FNDC3B: variants seen among roughly 807,000 people sequenced by gnomAD.
FNDC3B encodes fibronectin type III domain containing 3B, also known as fibronectin type III domain-containing protein 3B.
In FNDC3B, 12 loss-of-function variants were observed where a neutral mutation model predicts 151.5. The observed-to-expected ratio is 0.08, with a 90% confidence interval of 0.05 to 0.13. The LOEUF (loss-of-function observed/expected upper bound fraction) is 0.13, where lower values mean the gene tolerates loss of function less well. FNDC3B is among the 10% of genes least tolerant of loss of function. The pLI, the probability that FNDC3B is intolerant of heterozygous loss-of-function variation, is 1.00. For synonymous variants in FNDC3B, 528 were observed against 549.0 expected, an observed-to-expected ratio of 0.96 and a Z score of 0.54; for missense variants, 1,214 against 1,505.3, an observed-to-expected ratio of 0.81 and a Z score of 3.20.
At chr3:172,306,143 G>A (rs546958858) in intron 9 of FNDC3B, among the ~76,000 whole-genome samples, 2 of 152,290 alleles carry the variant, frequency 1.3e-5, no homozygotes, top group South Asian at 4.1e-4. Context: ...AAATGACTTT[G>A]CAAATCACAC....
At chr3:172,190,070 C>G (rs1376738140) in intron 3 of FNDC3B, among the ~76,000 whole-genome samples, 1 of 152,130 alleles carries the variant, frequency 6.6e-6, no homozygotes, top group East Asian at 1.9e-4. Flanking sequence ...CCCAGGCGGC[C>G]TGCTTTCAGA....
intron 9 of FNDC3B, 105 bp from the exon 10 acceptor site, chr3:172,307,258 A>G: frequency 8.4e-7 from 1 of 1,185,964 alleles, no homozygotes; most frequent in Non-Finnish European, 1.2e-6. Flanking sequence ...CTCACTCCGT[A>G]AGAAATTCTG....
intron 3 of FNDC3B, among the ~76,000 whole-genome samples, chr3:172,155,472 A>G (rs1240136190): frequency 6.6e-6 from 1 of 152,236 alleles, no homozygotes; most frequent in African/African-American, 2.4e-5. Flanking sequence ...CAGGTCTGTC[A>G]TACTGACCTC....
Position 172,129,538 on chromosome 3 carries a change from G to T in FNDC3B, c.112-3933G>T, listed in dbSNP as rs933584060. 5.9e-5 allele frequency among the ~76,000 whole-genome samples: 9 copies of T among 152,134 alleles called. No individual in the cohort carries two copies. In the East Asian group the frequency reaches 1.5e-3, roughly 26 times the overall value. The stretch of plus-strand genomic sequence containing the variant: ...TCTTTCAGTTCTCCTGTTAGACAAA[G>T]AATTCCCATGATGCTGTGTTTACTC... On this transcript the variant is annotated intron_variant, in intron 2 of 25. Transcript: ENST00000415807.
intron 3 of FNDC3B, among the ~76,000 whole-genome samples, chr3:172,190,069 C>T (rs1560009736): frequency 6.6e-6 from 1 of 152,174 alleles, no homozygotes; most frequent in Non-Finnish European, 1.5e-5. Context: ...ACCCAGGCGG[C>T]CTGCTTTCAG....
At chr3:172,126,756 G>T (rs1014233559) in intron 2 of FNDC3B, among the ~76,000 whole-genome samples, 6 of 152,118 alleles carry the variant, frequency 3.9e-5, no homozygotes, top group African/African-American at 1.4e-4. Context: ...AGCCGGAGAG[G>T]GTCCTTTCCT....
chr3:172,042,737 A>G (rs1195300505), intron 1 of FNDC3B, among the ~76,000 whole-genome samples: 1 of 152,180 alleles, frequency 6.6e-6, no homozygotes, highest in Non-Finnish European at 1.5e-5. Flanking sequence ...AGTGTTGGAA[A>G]TGGTTCTGTC....
At chr3:172,244,090 T>C (rs980825374) in intron 4 of FNDC3B, among the ~76,000 whole-genome samples, 1 of 152,226 alleles carries the variant, frequency 6.6e-6, no homozygotes, top group Non-Finnish European at 1.5e-5. Flanking sequence ...ATTTTTCTCT[T>C]TATATTCTTA....
At chr3:172,241,427 A>G (rs1462964356) in intron 4 of FNDC3B, among the ~76,000 whole-genome samples, 1 of 152,200 alleles carries the variant, frequency 6.6e-6, no homozygotes, top group Non-Finnish European at 1.5e-5. Flanking sequence ...CAAGCTGCTA[A>G]TAAAGACATT....
chr3:172,300,159 G>T (rs1460864308), intron 9 of FNDC3B, among the ~76,000 whole-genome samples: 1 of 152,176 alleles, frequency 6.6e-6, no homozygotes, highest in Non-Finnish European at 1.5e-5. Context: ...AAGAAGATCT[G>T]TGTAATTTGT....
intron 1 of FNDC3B, among the ~76,000 whole-genome samples, chr3:172,112,145 A>T (rs1188917641): frequency 1.3e-5 from 2 of 152,260 alleles, no homozygotes; most frequent in Non-Finnish European, 2.9e-5. Context: ...TAAATGGAAT[A>T]AACGGAATAG....
intron 22 of FNDC3B, among the ~76,000 whole-genome samples, chr3:172,361,768 G>A (rs967487424): frequency 6.6e-6 from 1 of 151,910 alleles, no homozygotes; most frequent in African/African-American, 2.4e-5. Context: ...AGTTCATTTT[G>A]TGTTGCCAAA....
intron 10 of FNDC3B, 122 bp from the exon 11 acceptor site, chr3:172,310,706 G>T: frequency 1.3e-6 from 1 of 771,572 alleles, no homozygotes; most frequent in Non-Finnish European, 2.3e-6. Context: ...GGAACCATCA[G>T]CTTTATCCCC....
intron 6 of FNDC3B, among the ~76,000 whole-genome samples, chr3:172,282,824 A>T (rs1576870579): frequency 6.6e-6 from 1 of 152,314 alleles, no homozygotes; most frequent in African/African-American, 2.4e-5. Context: ...CTTTGGGACC[A>T]TGTATTAGAC....
At position 172,334,662 on chromosome 3, in the gene FNDC3B, G is replaced by A. The variant is rs184569538; in HGVS notation, c.1642-282G>A. On this transcript the variant is annotated intron_variant, in intron 14 of 25. Transcript: ENST00000415807. ...TCTCCATGTTGGTCAGGCTGGTCTC[G>A]AACTCTTGACCTCAGGTGATCCACC... 3.3e-5 allele frequency among the ~76,000 whole-genome samples: 5 copies of A among 152,230 alleles called. No homozygotes were observed. The East Asian group carries it at 7.7e-4, about 24-fold the overall frequency.
intron 9 of FNDC3B, among the ~76,000 whole-genome samples, chr3:172,299,200 T>C (rs1485943426): frequency 6.6e-6 from 1 of 152,224 alleles, no homozygotes; most frequent in Non-Finnish European, 1.5e-5. Context: ...AGCACACCGT[T>C]AGACCTTAAA....
intron 1 of FNDC3B, among the ~76,000 whole-genome samples, chr3:172,070,867 A>G (rs536877608): frequency 3.1e-4 from 47 of 152,214 alleles, no homozygotes; most frequent in Middle Eastern, 3.4e-3. Flanking sequence ...TCATCCTTCA[A>G]TATTTCAGTA....
At chr3:172,227,975 G>A (rs1226393414) in intron 4 of FNDC3B, among the ~76,000 whole-genome samples, 2 of 152,170 alleles carry the variant, frequency 1.3e-5, no homozygotes, top group African/African-American at 4.8e-5. Context: ...ATCCTTCTCT[G>A]ATATAAAAAC....
At chr3:172,384,201 T>C (rs1735594094) in intron 25 of FNDC3B, among the ~76,000 whole-genome samples, 2 of 152,238 alleles carry the variant, frequency 1.3e-5, no homozygotes, top group South Asian at 4.1e-4. Flanking sequence ...AAGATTTAAT[T>C]GTTTTAAACA....
Sources: allele counts gnomAD v4.1 joint callset (sites outside exome capture counted in the v4.1 genomes callset), GRCh38; gene constraint gnomAD v4.1.1; transcripts MANE v1.5; gene names NCBI Gene and HGNC (gene_info 2026-07-23, HGNC 2026-07-21).